TNIP1: variants seen among roughly 807,000 people sequenced by gnomAD.
TNIP1 encodes TNFAIP3-interacting protein 1.
TNIP1 carries 22 observed loss-of-function variants against 86.6 expected under a neutral mutation model. The ratio of observed to expected loss-of-function variants is 0.25; its 90% CI spans 0.18 to 0.36. The LOEUF (loss-of-function observed/expected upper bound fraction) is 0.36. TNIP1 is among the 10% of genes least tolerant of loss of function. TNIP1 has a pLI of 1.00. For missense variants in TNIP1, 709 were observed against 820.6 expected, an observed-to-expected ratio of 0.86 and a Z score of 1.66; for synonymous variants, 294 against 313.0, an observed-to-expected ratio of 0.94 and a Z score of 0.64.
At chr5:151,057,082 C>T (rs745308870) in intron 5 of TNIP1, 125 bp from the exon 6 acceptor site, 95 of 1,046,412 alleles carry the variant, frequency 9.1e-5, no homozygotes, top group Non-Finnish European at 1.0e-4. Flanking sequence ...AGCTCAGCCC[C>T]GGGAAATTCT....
chr5:151,057,872 T>C (rs1389192810), intron 5 of TNIP1, among the ~76,000 whole-genome samples: 2 of 152,190 alleles, frequency 1.3e-5, no homozygotes, highest in African/African-American at 2.4e-5. Flanking sequence ...AGGATGTGTA[T>C]AGGTTATAGG....
At chr5:151,036,986 T>A in intron 12 of TNIP1, 65 bp from the exon 13 acceptor site, 1 of 1,516,708 alleles carries the variant, frequency 6.6e-7, no homozygotes, top group South Asian at 1.3e-5. Context: ...TTTGGAGGGG[T>A]CATCCTCAGG....
chr5:151,059,140 G>A (rs1474202634), intron 5 of TNIP1, among the ~76,000 whole-genome samples: 1 of 152,214 alleles, frequency 6.6e-6, no homozygotes, highest in Non-Finnish European at 1.5e-5. Flanking sequence ...TGTTGTCTTG[G>A]CTCAAGTGGC....
chr5:151,073,731 TA>T (rs1265177482), intron 1 of TNIP1, among the ~76,000 whole-genome samples: 3 of 151,336 alleles, frequency 2.0e-5, no homozygotes, highest in South Asian at 2.1e-4. Flanking sequence ...GATTCTCTAT[TA>T]AAAAAAAACT....
intron 11 of TNIP1, among the ~76,000 whole-genome samples, chr5:151,040,352 C>T (rs935246255): frequency 6.6e-6 from 1 of 152,144 alleles, no homozygotes; most frequent in Non-Finnish European, 1.5e-5. Context: ...AGACCAGTCG[C>T]AGGGGTTAGT....
intron 7 of TNIP1, among the ~76,000 whole-genome samples, chr5:151,051,877 C>G (rs78735551): frequency 0.032 from 4,865 of 152,204 alleles, 244 homozygotes; most frequent in African/African-American, 0.11. Context: ...GCCAGTTCAC[C>G]GTTAACAGGG....
In TNIP1 at chr5:151,030,428, C is replaced by T. The variant is rs8177834; in HGVS notation, c.*285G>A. The T allele has an allele frequency of 0.11, 58,972 of 538,626 alleles. 3,452 individuals carry two copies. The highest frequency in any genetic ancestry group is 0.17 in the Middle Eastern group (327 of 1,932). 33.4% of individuals were successfully genotyped at this position (538,626 alleles called of 1,614,324 possible). ...TTGCTGCTCCTGGAGGCTTCTGCAA[C>T]GGATGGTGGGTCAAAGCCGGATGAG... On this transcript the variant is annotated 3_prime_UTR_variant, in exon 18 of 18. Coordinates refer to ENST00000521591, the MANE Select transcript of TNIP1 (RefSeq NM_006058.5).
chr5:151,035,015 T>G lies in TNIP1; in HGVS notation c.1574A>C (p.Lys525Thr), dbSNP rs761862329. Residue 525 changes from lysine to threonine, a missense_variant, in exon 15 of 18, where the codon AAG becomes ACG. Lys to Thr is a moderately conservative substitution (Grantham distance 78, BLOSUM62 -1). Transcript: ENST00000521591. ...AAGCCTCCTCACCTTTGCTTTCCTC[T>G]TCTGCTGTCTGAGGGCTTCTCTTGC... ...EKAREALRQQ[K>T]RKAKASGERY... is the part of the protein sequence containing the mutation. 2 of 1,614,130 alleles carry G rather than the reference T, an allele frequency of 1.2e-6. No individual in the cohort carries two copies. Among genetic ancestry groups the G allele is most frequent in the Admixed American group, 3.3e-5 (2 of 60,020 alleles).
Position 151,039,108 on chromosome 5 carries a change from G to T in TNIP1, c.1252C>A (p.Arg418=), listed in dbSNP as rs552065012. 3 of 1,613,198 alleles carry T rather than the reference G, an allele frequency of 1.9e-6. No individual in the cohort carries two copies. The highest frequency in any genetic ancestry group is 2.5e-6 in the Non-Finnish European group (3 of 1,179,658). ...GCCAAGGCACCCACCTTGTTGAGCCGCTGGATCTCCTTTTCCTGGTACTCA... is the reference window on the plus strand; with the variant it reads ...GCCAAGGCACCCACCTTGTTGAGCCTCTGGATCTCCTTTTCCTGGTACTCA... ...QREYQEKEIQ[R]LNKALEEALS... The change falls in exon 12 of 18, where the codon CGG becomes AGG. Residue 418 remains arginine, a synonymous_variant. Transcript: ENST00000521591.
intron 8 of TNIP1, chr5:151,046,268 C>A (rs1759153492): frequency 3.2e-6 from 1 of 308,198 alleles, no homozygotes; most frequent in Non-Finnish European, 6.2e-6. Context: ...ACTCCCTACA[C>A]ACATCAGCCA....
Position 151,030,730 on chromosome 5 carries a change from G to A in TNIP1, c.1894C>T (p.Arg632Cys), listed in dbSNP as rs755300063. Residue 632 changes from arginine to cysteine, a missense_variant, in exon 18 of 18, where the codon CGT becomes TGT. Transcript: ENST00000521591. The stretch of plus-strand genomic sequence containing the variant: ...ATCTGGTCTCACTGAGGCCCCTCAC[G>A]GTCATTTTTTGGAGACTCTAAATAA... ...PTEPESPKND[R>C]EGPQ is the part of the protein sequence containing the mutation. 2.5e-5 allele frequency: 40 copies of A among 1,611,444 alleles called. No individual in the cohort carries two copies. Among genetic ancestry groups the A allele is most frequent in the Non-Finnish European group, 2.5e-5 (30 of 1,179,248 alleles).
At chr5:151,081,874 G>A (rs1764053023), upstream of TNIP1, among the ~76,000 whole-genome samples, 1 of 152,118 alleles carries the variant, frequency 6.6e-6, no homozygotes, top group Admixed American at 6.5e-5. Context: ...TTAAGGGTAG[G>A]AAAGCTTTTT....
intron 1 of TNIP1, among the ~76,000 whole-genome samples, chr5:151,066,427 AC>A (rs1242795235): frequency 6.6e-6 from 1 of 152,152 alleles, no homozygotes; most frequent in African/African-American, 2.4e-5. Flanking sequence ...TCCCAAGGTC[AC>A]CACCCCCAAG....
chr5:151,086,249 T>A (rs1020151871), intron 1 of TNIP1, among the ~76,000 whole-genome samples: 2 of 152,144 alleles, frequency 1.3e-5, no homozygotes, highest in African/African-American at 4.8e-5. Flanking sequence ...TTTAAATAAG[T>A]AGAATTAAAC....
At chr5:151,043,708 G>A (rs2113429480) in intron 9 of TNIP1, among the ~76,000 whole-genome samples, 1 of 152,084 alleles carries the variant, frequency 6.6e-6, no homozygotes, top group East Asian at 1.9e-4. Context: ...TTAGGAGGTG[G>A]AGGCTGCAGT....
rs762176055 is a variant in TNIP1, at chr5:151,033,628, T to C, written c.1759A>G (p.Asn587Asp). 4.3e-6 allele frequency: 4 copies of C among 920,844 alleles called. No individual in the cohort carries two copies. Among genetic ancestry groups the C allele is most frequent in the East Asian group, 5.5e-5 (1 of 18,158 alleles). The allele number at this position is 920,844 out of a possible 1,614,324, so 57.0% of individuals were successfully genotyped here. The change falls in exon 16 of 18, where the codon AAC becomes GAC. Residue 587 changes from asparagine to aspartate, a missense_variant. Physicochemically the swap from Asn to Asp is conservative, Grantham distance 23 (BLOSUM62 1). Coordinates refer to ENST00000521591, the MANE Select transcript of TNIP1 (RefSeq NM_006058.5). ...CTCACCAGATGGAAGAGGCGCGAGT[T>C]GGGGAGTGGGGGCGGGTGCTCCATG... ...MAMEHPPPLP[N>D]SRLFHLPEYT...
At chr5:151,032,443 A>G in intron 16 of TNIP1, 60 bp from the exon 17 acceptor site, 2 of 1,502,486 alleles carry the variant, frequency 1.3e-6, no homozygotes, top group Admixed American at 1.8e-5. Context: ...AATAGCACCT[A>G]CTGTGCCAGG....
In TNIP1 at chr5:151,056,769, C is replaced by A. The variant is rs1581830646; in HGVS notation, c.624G>T (p.Leu208=). The change falls in exon 6 of 18, where the codon CTG becomes CTT. Residue 208 remains leucine (L), a synonymous_variant. Coordinates refer to ENST00000521591, the MANE Select transcript of TNIP1 (RefSeq NM_006058.5). ...VHKNEQRTSI[L]QTLCEQLRKE... ...CTGCCCTCCCCACGCGCCTCACCTG[C>A]AGAATGGAGGTGCGCTGCTCATTCT... 1.3e-6 allele frequency: 2 copies of A among 1,503,116 alleles called. No individual in the cohort carries two copies. Among genetic ancestry groups the A allele is most frequent in the Non-Finnish European group, 1.8e-6 (2 of 1,118,118 alleles). The allele number at this position is 1,503,116 out of a possible 1,614,324, so 93.1% of individuals were successfully genotyped here.
At chr5:151,045,726 A>G (rs2113462365) in intron 9 of TNIP1, 135 bp downstream of exon 9, 1 of 781,292 alleles carries the variant, frequency 1.3e-6, no homozygotes, top group East Asian at 2.5e-5. Flanking sequence ...ATGGGCAGGC[A>G]GGTCAGTGGT....
Sources: gnomAD v4.1 joint callset for allele counts (sites outside exome capture counted in the v4.1 genomes callset) on GRCh38, gnomAD v4.1.1 for gene constraint, MANE v1.5 for transcripts, NCBI Gene and HGNC (gene_info 2026-07-23, HGNC 2026-07-21) for gene names.